The following CREBZF variants were observed in gnomAD, a reference collection of about 807,000 sequenced individuals.
CREBZF encodes the protein CREB/ATF bZIP transcription factor.
In CREBZF, 8 loss-of-function variants were observed where a neutral mutation model predicts 21.1. That is an observed-to-expected ratio of 0.38 (90% CI 0.22 to 0.68). CREBZF has a LOEUF of 0.68. Ranked by LOEUF, CREBZF falls within the 30% of genes least tolerant of loss-of-function variation. The probability of loss-of-function intolerance (pLI) is 0.51; values close to 1 mark genes in which losing one functional copy is unlikely to be tolerated. For synonymous variants in CREBZF, 270 were observed against 223.3 expected (o/e 1.21, Z -1.86); for missense variants, 518 against 484.3 (o/e 1.07, Z -0.65).
At chr11:85,680,751 C>T (rs539752008) in intron 1 of CREBZF, among the ~76,000 whole-genome samples, 3 of 152,186 alleles carry the variant, frequency 2.0e-5, no homozygotes, top group Admixed American at 2.0e-4. Flanking sequence ...ATTAGAAAAG[C>T]TTATTCTCAG....
chr11:85,665,371 A>G (rs956600150), upstream of CREBZF, among the ~76,000 whole-genome samples: 2 of 152,130 alleles, frequency 1.3e-5, no homozygotes, highest in Admixed American at 6.5e-5. Flanking sequence ...AAATGCTTGT[A>G]AATTTTTTTT....
At position 85,663,871 on chromosome 11, in the gene CREBZF, C is replaced by A. The variant is rs962670859; in HGVS notation, c.1005G>T (p.Lys335Asn). 2 of 1,611,544 alleles carry A rather than the reference C, an allele frequency of 1.2e-6. No homozygotes were observed. The highest frequency in any genetic ancestry group is 1.7e-6 in the Non-Finnish European group (2 of 1,179,908). ...GGVCLHVDKD[K>N]VSVEFCSACA... ...ACGCCGAGCAGAACTCCACCGACAC[C>A]TTATCCTTGTCCACATGGAGACAGA... The change falls in exon 1 of 1, where the codon AAG becomes AAT. Residue 335 changes from lysine to asparagine, a missense_variant. By Grantham distance (94) the Lys-to-Asn change is moderately conservative. Transcript: ENST00000527447.
intron 1 of CREBZF, chr11:85,682,604 A>ACCCCCCC: frequency 5.3e-6 from 1 of 189,624 alleles, no homozygotes; most frequent in South Asian, 5.6e-5. Context: ...CCCCTGCCCT[A>ACCCCCCC]CTCCCCCCAA....
chr11:85,668,981 G>C (rs1179183391), upstream of CREBZF, among the ~76,000 whole-genome samples: 2 of 91,950 alleles, frequency 2.2e-5, no homozygotes, highest in Non-Finnish European at 4.2e-5. Context: ...CAGCCTGGGC[G>C]ACAGAGCGAG....
At chr11:85,668,768 C>T (rs1454341885), upstream of CREBZF, among the ~76,000 whole-genome samples, 2 of 151,310 alleles carry the variant, frequency 1.3e-5, no homozygotes, top group African/African-American at 4.8e-5. Flanking sequence ...TTTGGGAGGC[C>T]GAGGCGGGCG....
intron 1 of CREBZF, among the ~76,000 whole-genome samples, chr11:85,680,664 A>T (rs2153330649): frequency 6.6e-6 from 1 of 152,346 alleles, no homozygotes; most frequent in Admixed American, 6.5e-5. Context: ...TCATCTGTAC[A>T]GCTCTAGGTG....
chr11:85,677,898 C>T (rs1046875830), intron 1 of CREBZF, among the ~76,000 whole-genome samples: 6 of 152,274 alleles, frequency 3.9e-5, no homozygotes, highest in Admixed American at 6.5e-5. Context: ...TGCCTTTTTA[C>T]TTTTATCTGG....
intron 1 of CREBZF, among the ~76,000 whole-genome samples, chr11:85,681,201 T>A (rs1017889670): frequency 3.3e-5 from 5 of 152,198 alleles, no homozygotes; most frequent in Non-Finnish European, 7.3e-5. Flanking sequence ...TCTGCCCAAC[T>A]CTGCTGGTCT....
At chr11:85,674,338 CA>C (rs1172983998) in intron 1 of CREBZF, among the ~76,000 whole-genome samples, 2 of 152,202 alleles carry the variant, frequency 1.3e-5, no homozygotes, top group East Asian at 3.8e-4. Context: ...TAACTAACTG[CA>C]TTGTCAATGA....
intron 1 of CREBZF, among the ~76,000 whole-genome samples, chr11:85,674,409 A>C (rs1293691576): frequency 6.6e-6 from 1 of 152,214 alleles, no homozygotes; most frequent in Non-Finnish European, 1.5e-5. Flanking sequence ...AGTGGGCTTA[A>C]AATATTCAGT....
chr11:85,676,635 CTTTT>C (rs995955635), intron 1 of CREBZF, among the ~76,000 whole-genome samples: 4 of 151,154 alleles, frequency 2.6e-5, no homozygotes, highest in African/African-American at 9.7e-5. Context: ...TATAATGTCA[CTTTT>C]TTTTTCTTTT....
At chr11:85,671,025 A>T (rs1298388362) in intron 1 of CREBZF, among the ~76,000 whole-genome samples, 1 of 152,254 alleles carries the variant, frequency 6.6e-6, no homozygotes, top group African/African-American at 2.4e-5. Flanking sequence ...GTATTAGTCC[A>T]TTCTCACACT....
At position 85,661,546 on chromosome 11, in the gene CREBZF, G is replaced by C. The variant is rs2082679286; in HGVS notation, c.*2265C>G. 1 of 152,602 alleles carries C rather than the reference G, an allele frequency of 6.6e-6. No individual in the cohort carries two copies. The highest frequency in any genetic ancestry group is 6.5e-5 in the Admixed American group (1 of 15,292). The allele number at this position is 152,602 out of a possible 1,614,324, so 9.5% of individuals were successfully genotyped here. The stretch of plus-strand genomic sequence containing the variant: ...AAGCTTTGACTACTGTTTCTCCCCA[G>C]CCCACAATTTCAAATAATGCAGGAA... On this transcript the variant is annotated 3_prime_UTR_variant, in exon 1 of 1. Coordinates refer to ENST00000527447, the MANE Select transcript of CREBZF (RefSeq NM_001039618.4).
At chr11:85,668,661 T>C (rs112352808), upstream of CREBZF, among the ~76,000 whole-genome samples, 581 of 152,304 alleles carry the variant, frequency 3.8e-3, 4 homozygotes, top group African/African-American at 0.013. Context: ...TTAACAGGAA[T>C]GCCTTAACTA....
chr11:85,663,366 G>A lies in CREBZF; in HGVS notation c.*445C>T. On this transcript the variant is annotated 3_prime_UTR_variant, in exon 1 of 1. Coordinates refer to ENST00000527447, the MANE Select transcript of CREBZF (RefSeq NM_001039618.4). ...TTAAATACATTCTTGACCAGCACAA[G>A]TCTGTTTCCAGGGTGGACAGGGCCC... is the stretch of plus-strand genomic sequence containing the variant. 3.2e-6 allele frequency: 2 copies of A among 627,780 alleles called. No individual in the cohort carries two copies. The highest frequency in any genetic ancestry group is 1.9e-5 in the South Asian group (1 of 51,726). The allele number at this position is 627,780 out of a possible 1,614,324, so 38.9% of individuals were successfully genotyped here.
rs1436722292 is a variant in CREBZF, at chr11:85,658,322, A to G, written c.*5489T>C. Among the ~76,000 whole-genome samples, 1 of 152,044 alleles carries G rather than the reference A, an allele frequency of 6.6e-6. No individual in the cohort carries two copies. Among genetic ancestry groups the G allele is most frequent in the African/African-American group, 2.4e-5 (1 of 41,450 alleles). ...TCCAATTACTCCCTAGCATAATACC[A>G]TTTATAAATGAGGATGAGTTTACAA... On this transcript the variant is annotated 3_prime_UTR_variant, in exon 1 of 1. Coordinates refer to ENST00000527447, the MANE Select transcript of CREBZF (RefSeq NM_001039618.4).
At chr11:85,682,729 C>T in exon 1 of CREBZF, 1 of 695,238 alleles carries the variant, frequency 1.4e-6, no homozygotes, top group South Asian at 1.5e-5. Flanking sequence ...AAACGGCCCT[C>T]AGCCCGCTTC....
intron 1 of CREBZF, among the ~76,000 whole-genome samples, chr11:85,675,877 T>A (rs536287657): frequency 1.3e-5 from 2 of 152,222 alleles, no homozygotes; most frequent in South Asian, 4.1e-4. Flanking sequence ...ATTGAAGAAA[T>A]CAGGTGATTG....
rs773706819 is a variant in CREBZF at position 85,664,150 on chromosome 11, C to T, written c.726G>A (p.Glu242=). ...LESRVRGLAA[E]NQELRAENRE... ...GATTCTCGGCCCGCAGCTCCTGGTTCTCGGCTGCCAGACCCCGGACTCGAC... is the reference window on the plus strand; with the variant it reads ...GATTCTCGGCCCGCAGCTCCTGGTTTTCGGCTGCCAGACCCCGGACTCGAC... The change falls in exon 1 of 1, where the codon GAG becomes GAA. Residue 242 remains glutamate, a synonymous_variant. Transcript: ENST00000527447. This position sits in a 1 kb window ranked among gnomAD's most constrained non-coding sequence, Gnocchi z 5.5. 6.2e-7 allele frequency: 1 copy of T among 1,613,622 alleles called. No individual in the cohort carries two copies. Among genetic ancestry groups the T allele is most frequent in the African/African-American group, 1.3e-5 (1 of 75,056 alleles).
Sources: gnomAD v4.1 joint callset for allele counts (sites outside exome capture counted in the v4.1 genomes callset) on GRCh38, gnomAD v4.1.1 for gene constraint, Gnocchi (gnomAD v3.1) non-coding constraint, MANE v1.5 for transcripts, NCBI Gene and HGNC (gene_info 2026-07-23, HGNC 2026-07-21) for gene names.